PTPRD: variants seen among roughly 807,000 people sequenced by gnomAD.
PTPRD encodes the protein receptor-type tyrosine-protein phosphatase delta.
A neutral mutation model predicts 214.5 loss-of-function variants in PTPRD; 34 were observed. That is an observed-to-expected ratio of 0.16 (90% confidence interval 0.12 to 0.21). The LOEUF (loss-of-function observed/expected upper bound fraction) is 0.21, where lower values mean the gene tolerates loss of function less well. PTPRD is among the 10% of genes least tolerant of loss of function. The pLI is 1.00. For missense variants in PTPRD, 2,545 were observed against 2,398.7 expected (o/e 1.06, Z -1.27); for synonymous variants, 1,128 against 845.7 (o/e 1.33, Z -5.79).
At chr9:9,159,026 C>G (rs546097226) in intron 10 of PTPRD, among the ~76,000 whole-genome samples, 3 of 152,106 alleles carry the variant, frequency 2.0e-5, no homozygotes, top group South Asian at 2.1e-4. Flanking sequence ...ATAATAAAAT[C>G]TAATAGACAA....
intron 4 of PTPRD, among the ~76,000 whole-genome samples, chr9:9,953,077 G>A (rs141616340): frequency 6.6e-6 from 1 of 152,182 alleles, no homozygotes; most frequent in African/African-American, 2.4e-5. Context: ...AATGCAAAAG[G>A]TGGTGACCCA....
At chr9:8,417,944 T>G (rs950456785) in intron 35 of PTPRD, among the ~76,000 whole-genome samples, 2 of 152,206 alleles carry the variant, frequency 1.3e-5, no homozygotes, top group African/African-American at 4.8e-5. Context: ...TGATTTGTTT[T>G]TGAATGCCTA....
intron 2 of PTPRD, among the ~76,000 whole-genome samples, chr9:10,392,854 A>C (rs2098096180): frequency 6.6e-6 from 1 of 151,848 alleles, no homozygotes; most frequent in Admixed American, 6.6e-5. Context: ...CATTTGCTGG[A>C]ATAGAAAGAA....
At chr9:9,443,716 G>T (rs2089248930) in intron 8 of PTPRD, among the ~76,000 whole-genome samples, 1 of 152,118 alleles carries the variant, frequency 6.6e-6, no homozygotes, top group Admixed American at 6.5e-5. Flanking sequence ...AAGCTATTCT[G>T]TATCTTCTAG....
At chr9:8,752,960 T>A (rs756053017) in intron 11 of PTPRD, among the ~76,000 whole-genome samples, 1 of 152,224 alleles carries the variant, frequency 6.6e-6, no homozygotes, top group Non-Finnish European at 1.5e-5. Flanking sequence ...CCTCATGCAC[T>A]ATAAAACAAA....
intron 11 of PTPRD, among the ~76,000 whole-genome samples, chr9:8,987,056 GTC>G (rs1439097017): frequency 6.6e-6 from 1 of 152,062 alleles, no homozygotes; most frequent in African/African-American, 2.4e-5. Context: ...ATAAACACAT[GTC>G]TCTTAGAAGG....
At chr9:8,514,802 T>G (rs1261243439) in intron 21 of PTPRD, among the ~76,000 whole-genome samples, 1 of 152,160 alleles carries the variant, frequency 6.6e-6, no homozygotes, top group African/African-American at 2.4e-5. Context: ...AAATCTCTTC[T>G]CAAACTGTAA....
At chr9:9,693,665 T>G (rs374103523) in intron 7 of PTPRD, among the ~76,000 whole-genome samples, 4 of 152,188 alleles carry the variant, frequency 2.6e-5, no homozygotes, top group African/African-American at 9.6e-5. Context: ...CTATTATCCC[T>G]TCGAATAAAC....
At chr9:9,922,773 T>C (rs2082939964) in intron 5 of PTPRD, among the ~76,000 whole-genome samples, 1 of 151,920 alleles carries the variant, frequency 6.6e-6, no homozygotes, top group Admixed American at 6.6e-5. Context: ...AGGGGGAATT[T>C]TATCTTTAAA....
intron 2 of PTPRD, among the ~76,000 whole-genome samples, chr9:10,446,219 C>T (rs2098797962): frequency 6.6e-6 from 1 of 151,798 alleles, no homozygotes; most frequent in Non-Finnish European, 1.5e-5. Context: ...TCATATTTGA[C>T]AGCTTTGACT....
chr9:9,205,779 C>T (rs992457431), intron 9 of PTPRD, among the ~76,000 whole-genome samples: 1 of 152,142 alleles, frequency 6.6e-6, no homozygotes, highest in Non-Finnish European at 1.5e-5. Flanking sequence ...AGAATGCCTA[C>T]TTTATTCCAG....
intron 14 of PTPRD, among the ~76,000 whole-genome samples, chr9:8,611,077 A>C (rs1402918855): frequency 6.6e-6 from 1 of 152,226 alleles, no homozygotes; most frequent in Non-Finnish European, 1.5e-5. Context: ...CGTGATGAAA[A>C]AATAACATAT....
intron 7 of PTPRD, among the ~76,000 whole-genome samples, chr9:9,668,155 C>T (rs749776507): frequency 6.6e-6 from 1 of 152,130 alleles, no homozygotes; most frequent in Non-Finnish European, 1.5e-5. Context: ...AGGTCTCACT[C>T]ATGAAAAGTG....
chr9:9,332,048 A>G (rs1331453564), intron 9 of PTPRD, among the ~76,000 whole-genome samples: 2 of 152,220 alleles, frequency 1.3e-5, no homozygotes, highest in South Asian at 2.1e-4. Context: ...CGGAGTCTGC[A>G]TGGACAGCTA....
chr9:10,153,710 G>GT (rs2099076336), intron 3 of PTPRD, among the ~76,000 whole-genome samples: 1 of 152,018 alleles, frequency 6.6e-6, no homozygotes, highest in Admixed American at 6.6e-5. Flanking sequence ...CCTCTGGGAG[G>GT]TAACAGTGTC....
At chr9:10,156,077 T>TG (rs2099090847) in intron 3 of PTPRD, among the ~76,000 whole-genome samples, 7 of 117,842 alleles carry the variant, frequency 5.9e-5, no homozygotes, top group African/African-American at 2.0e-4. Flanking sequence ...CTTTTGAATG[T>TG]TTGTGTGTGT....
chr9:10,113,784 G>T (rs1008985992), intron 3 of PTPRD, among the ~76,000 whole-genome samples: 1 of 152,218 alleles, frequency 6.6e-6, no homozygotes, highest in South Asian at 2.1e-4. Flanking sequence ...AAATGCAGCA[G>T]TGGGGCCTGT....
intron 9 of PTPRD, among the ~76,000 whole-genome samples, chr9:9,303,951 AC>A (rs1436119221): frequency 6.6e-6 from 1 of 152,142 alleles, no homozygotes. Context: ...AGATTGCATT[AC>A]GGGGCTTCTA....
intron 8 of PTPRD, among the ~76,000 whole-genome samples, chr9:9,572,605 A>G: frequency 6.8e-6 from 1 of 147,722 alleles, no homozygotes; most frequent in Non-Finnish European, 1.5e-5. Context: ...ATATGTGTAT[A>G]TATATATCAT....
Sources: allele counts gnomAD v4.1 joint callset (sites outside exome capture counted in the v4.1 genomes callset), GRCh38; gene constraint gnomAD v4.1.1; transcripts MANE v1.5; gene names NCBI Gene and HGNC (gene_info 2026-07-23, HGNC 2026-07-21).